Variants in TMEM116 observed in about 807,000 individuals in gnomAD.
The protein encoded by TMEM116 is transmembrane protein 116.
A neutral mutation model predicts 44.3 loss-of-function variants in TMEM116; 38 were observed. The ratio of observed to expected loss-of-function variants is 0.86; its 90% CI spans 0.66 to 1.12. The LOEUF (loss-of-function observed/expected upper bound fraction) is 1.12. Ranked by LOEUF, TMEM116 falls within the 50% of genes most tolerant of loss-of-function variation. The pLI is 0.00. For synonymous variants in TMEM116, 132 were observed against 144.8 expected, an observed-to-expected ratio of 0.91 and a Z score of 0.64; for missense variants, 354 against 401.7, an observed-to-expected ratio of 0.88 and a Z score of 1.01.
At chr12:111,938,803 C>T (rs943929277) in intron 5 of TMEM116, among the ~76,000 whole-genome samples, 2 of 152,094 alleles carry the variant, frequency 1.3e-5, no homozygotes, top group African/African-American at 4.8e-5. Flanking sequence ...GTTTTTCCTA[C>T]CCTCTAGGAC....
At chr12:111,989,621 A>G (rs1004250635) in intron 4 of TMEM116, among the ~76,000 whole-genome samples, 3 of 152,222 alleles carry the variant, frequency 2.0e-5, no homozygotes, top group African/African-American at 7.2e-5. Flanking sequence ...CATAGTATTC[A>G]TGACATTTAA....
At chr12:111,983,933 T>C (rs2076084548) in intron 4 of TMEM116, among the ~76,000 whole-genome samples, 1 of 151,940 alleles carries the variant, frequency 6.6e-6, no homozygotes, top group Non-Finnish European at 1.5e-5. Context: ...AACAAAATAG[T>C]AGCAAACAAA....
chr12:111,949,168 C>A (rs1266897638), intron 4 of TMEM116, among the ~76,000 whole-genome samples: 1 of 151,848 alleles, frequency 6.6e-6, no homozygotes, highest in Non-Finnish European at 1.5e-5. Flanking sequence ...AAATCTTTTT[C>A]TCTTAAGCTA....
rs115548728 is a variant in TMEM116 at position 111,995,043 on chromosome 12, T to C, written c.79-3154A>G. ...ACTGCACGTCCGTTTATAGGCTCTC[T>C]GCAGGGAGAAGCACATCACGCACTG... On this transcript the variant is annotated intron_variant, in intron 3 of 10. Transcript: ENST00000552374. Among the ~76,000 whole-genome samples, 448 of 152,304 alleles carry C rather than the reference T, an allele frequency of 2.9e-3. 1 individual carries two copies. The highest frequency in any genetic ancestry group is 9.8e-3 in the African/African-American group (409 of 41,566).
At chr12:111,940,332 A>C (rs1489333617) in intron 5 of TMEM116, among the ~76,000 whole-genome samples, 4 of 150,042 alleles carry the variant, frequency 2.7e-5, no homozygotes, top group Non-Finnish European at 3.0e-5. Context: ...ATATCTATAC[A>C]TATAAAATAC....
intron 9 of TMEM116, among the ~76,000 whole-genome samples, chr12:111,933,331 A>G (rs1252647937): frequency 1.3e-5 from 2 of 152,084 alleles, no homozygotes; most frequent in African/African-American, 4.8e-5. Flanking sequence ...GTCTGTCACA[A>G]TGTTTTCTCC....
At chr12:111,984,675 A>G (rs996927778) in intron 4 of TMEM116, among the ~76,000 whole-genome samples, 3 of 152,092 alleles carry the variant, frequency 2.0e-5, no homozygotes, top group Admixed American at 6.5e-5. Flanking sequence ...TTTTAAAAGA[A>G]TTAAAACAGT....
At chr12:111,977,323 T>C (rs1198183652) in intron 4 of TMEM116, among the ~76,000 whole-genome samples, 1 of 152,154 alleles carries the variant, frequency 6.6e-6, no homozygotes, top group Non-Finnish European at 1.5e-5. Context: ...ATATTTAAAC[T>C]GTTGAAAGAA....
chr12:111,969,414 T>C (rs939695582), intron 4 of TMEM116, among the ~76,000 whole-genome samples: 6 of 152,000 alleles, frequency 3.9e-5, no homozygotes, highest in African/African-American at 1.4e-4. Flanking sequence ...TTATTTTTTT[T>C]TTTTGAGATA....
rs1383948885 is a variant in TMEM116, at chr12:111,937,152, T to G, written c.449+8A>C. The G allele has an allele frequency of 1.9e-6, 3 of 1,605,592 alleles. No homozygotes were observed. In the East Asian group the frequency reaches 6.7e-5, roughly 36 times the overall value. On this transcript the variant is annotated splice_region_variant and intron_variant, in intron 7 of 10. Transcript: ENST00000552374. ...GCCATGAAAATTATACATTTAGTTC[T>G]TACTTACTTGTGGCTCTGACTGAAG...
intron 4 of TMEM116, among the ~76,000 whole-genome samples, chr12:111,980,908 C>A (rs1371814134): frequency 6.6e-6 from 1 of 151,708 alleles, no homozygotes; most frequent in Non-Finnish European, 1.5e-5. Flanking sequence ...ACCTCCTCTC[C>A]ACAAAAAATA....
intron 1 of TMEM116, chr12:112,012,283 T>C (rs1268315305): frequency 6.6e-6 from 1 of 152,100 alleles, no homozygotes; most frequent in Non-Finnish European, 1.5e-5. Flanking sequence ...AATAAGAAAA[T>C]ACGGTCTTTT....
At chr12:111,972,429 T>G (rs942648788) in intron 4 of TMEM116, among the ~76,000 whole-genome samples, 14 of 152,076 alleles carry the variant, frequency 9.2e-5, no homozygotes, top group African/African-American at 3.4e-4. Flanking sequence ...ATAAAATAAA[T>G]AGAAAATTAG....
chr12:112,003,910 T>C, intron 2 of TMEM116, 47 bp from the exon 3 acceptor site: 2 of 1,430,068 alleles, frequency 1.4e-6, no homozygotes, highest in East Asian at 2.8e-5. Flanking sequence ...GACAATGGAG[T>C]GCCATCGTTT....
chr12:111,969,870 G>A (rs1440633352), intron 4 of TMEM116, among the ~76,000 whole-genome samples: 2 of 152,142 alleles, frequency 1.3e-5, no homozygotes, highest in African/African-American at 4.8e-5. Context: ...GTGAGCCACT[G>A]CGCCTGGCCT....
intron 1 of TMEM116, chr12:112,005,564 A>C (rs151060794): frequency 2.4e-5 from 12 of 491,270 alleles, no homozygotes; most frequent in African/African-American, 2.0e-4. Context: ...AAATGACTAA[A>C]TGAAAAAGGG....
Position 111,991,218 on chromosome 12 carries a change from A to C in TMEM116, c.210+540T>G, listed in dbSNP as rs28582649. Among the ~76,000 whole-genome samples the C allele has an allele frequency of 4.9e-3, 342 of 70,278 alleles. 8 individuals carry two copies. In the East Asian group the frequency reaches 0.087, roughly 18 times the overall value. 46.1% of individuals were successfully genotyped at this position (70,278 alleles called of 152,430 possible). ...TGGCGACAGAGCGAGACTCTGTCTC[A>C]AAAAAAAAAAAAAAAAAAAAACGGC... On this transcript the variant is annotated intron_variant, in intron 4 of 10. Coordinates refer to ENST00000552374, the MANE Select transcript of TMEM116 (RefSeq NM_001193531.2).
intron 5 of TMEM116, among the ~76,000 whole-genome samples, chr12:111,942,861 G>A (rs777308287): frequency 6.6e-6 from 1 of 152,084 alleles, no homozygotes; most frequent in Non-Finnish European, 1.5e-5. Flanking sequence ...AATGGAAACA[G>A]TGGGAACACG....
intron 3 of TMEM116, chr12:112,000,610 T>G (rs1053302931): frequency 8.5e-6 from 3 of 354,384 alleles, no homozygotes; most frequent in Non-Finnish European, 1.7e-5. Flanking sequence ...TACTGCAGTC[T>G]TACTTACTTA....
Sources: gnomAD v4.1 joint callset for allele counts (sites outside exome capture counted in the v4.1 genomes callset) on GRCh38, gnomAD v4.1.1 for gene constraint, MANE v1.5 for transcripts, NCBI Gene and HGNC (gene_info 2026-07-23, HGNC 2026-07-21) for gene names.